The following MID1 variants were observed in gnomAD, a reference collection of about 807,000 sequenced individuals.
MID1 encodes E3 ubiquitin-protein ligase Midline-1.
MID1 carries 7 observed loss-of-function variants against 40.4 expected under a neutral mutation model. That is an observed-to-expected ratio of 0.17 (90% CI 0.10 to 0.33). The LOEUF (loss-of-function observed/expected upper bound fraction) is 0.33. Among genes scored for constraint, MID1 ranks in the 10% least tolerant of loss-of-function variants. The pLI is 1.00. For missense variants in MID1, 367 were observed against 558.5 expected (o/e 0.66, Z 3.46); for synonymous variants, 229 against 221.2 (o/e 1.04, Z -0.31).
chrX:10,478,040 A>G (rs1432563661), intron 5 of MID1, among the ~76,000 whole-genome samples: 1 of 112,278 alleles, frequency 8.9e-6, no homozygotes, highest in Non-Finnish European at 1.9e-5. Context: ...GAACAGAAGG[A>G]TCACCTTGAG....
At chrX:10,817,444 ACTC>A (rs1348698498) in intron 1 of MID1, among the ~76,000 whole-genome samples, 1 of 109,493 alleles carries the variant, frequency 9.1e-6, no homozygotes, top group East Asian at 2.9e-4. Flanking sequence ...AGTTTGGAAA[ACTC>A]CTACAGTCAA....
At chrX:10,455,513 C>T (rs775752284) in intron 8 of MID1, among the ~76,000 whole-genome samples, 19 of 111,380 alleles carry the variant, frequency 1.7e-4, no homozygotes, top group Non-Finnish European at 3.0e-4. Context: ...ACAAGCAGCA[C>T]AGGTACATAC....
rs767958324 is a variant in MID1, at chrX:10,473,074, C to T, written c.1141+1549G>A. 3.5e-5 allele frequency among the ~76,000 whole-genome samples: 4 copies of T among 112,734 alleles called. No homozygotes were observed. The South Asian group carries it at 1.5e-3, about 41-fold the overall frequency. ...CCTGCACTGTTCAATACAATAGCCA[C>T]GAGCTACATGTGGTGGTTTAAATTT... On this transcript the variant is annotated intron_variant, in intron 6 of 9. Transcript: ENST00000317552.
chrX:10,759,512 G>A (rs1271067106), intron 1 of MID1, among the ~76,000 whole-genome samples: 1 of 110,985 alleles, frequency 9.0e-6, no homozygotes, highest in Non-Finnish European at 1.9e-5. Context: ...CCTTTGTGAT[G>A]CCACTTTCAG....
At chrX:10,669,245 A>T (rs2042973201) in intron 1 of MID1, among the ~76,000 whole-genome samples, 3 of 106,786 alleles carry the variant, frequency 2.8e-5, no homozygotes, top group Admixed American at 2.0e-4. Context: ...AAAAAAAAAA[A>T]AAAAAAAAAA....
chrX:10,481,720 A>G (rs1930339885), intron 5 of MID1, among the ~76,000 whole-genome samples: 1 of 112,298 alleles, frequency 8.9e-6, no homozygotes, highest in African/African-American at 3.2e-5. Flanking sequence ...TGCTGGGATT[A>G]CAGGCGTGAG....
intron 1 of MID1, among the ~76,000 whole-genome samples, chrX:10,811,634 T>G (rs770327591): frequency 9.0e-6 from 1 of 111,582 alleles, no homozygotes; most frequent in Admixed American, 9.6e-5. Context: ...AAGAGAGAAA[T>G]GTTCATTGAT....
chrX:10,756,407 AT>A (rs2043633164), intron 1 of MID1, among the ~76,000 whole-genome samples: 1 of 112,602 alleles, frequency 8.9e-6, no homozygotes, highest in Non-Finnish European at 1.9e-5. Flanking sequence ...CGAATGGAGT[AT>A]TTGAATTGAT....
intron 2 of MID1, among the ~76,000 whole-genome samples, chrX:10,533,391 A>AGAAAGAAAGAAAGAAAAG (rs1156280706): frequency 5.4e-5 from 3 of 55,066 alleles, no homozygotes; most frequent in East Asian, 7.7e-4. Context: ...AGAAAGAAAG[A>AGAAAGAAAGAAAGAAAAG]AAAGAAAGAA....
At chrX:10,690,534 A>G (rs927028771) in intron 1 of MID1, among the ~76,000 whole-genome samples, 1 of 111,985 alleles carries the variant, frequency 8.9e-6, no homozygotes, top group Admixed American at 9.5e-5. Flanking sequence ...TATAATTGAA[A>G]TCTTAATGAC....
At chrX:10,784,944 C>G (rs1241775051) in intron 1 of MID1, among the ~76,000 whole-genome samples, 4 of 111,022 alleles carry the variant, frequency 3.6e-5, no homozygotes, top group Non-Finnish European at 7.5e-5. Context: ...CTCACCACTC[C>G]TATTCAACAT....
chrX:10,810,693 T>C (rs753107427), intron 1 of MID1, among the ~76,000 whole-genome samples: 121 of 84,398 alleles, frequency 1.4e-3, no homozygotes, highest in African/African-American at 4.6e-3. Flanking sequence ...CTTGTTGTTT[T>C]CTCTGTGTGT....
intron 1 of MID1, 110 bp from the exon 2 acceptor site, chrX:10,567,713 A>G: frequency 1.9e-6 from 1 of 519,761 alleles, no homozygotes; most frequent in Non-Finnish European, 3.3e-6. Flanking sequence ...TGAAAGGGTA[A>G]GTGTGTGTAC....
At chrX:10,532,180 C>T (rs1311330841) in intron 2 of MID1, among the ~76,000 whole-genome samples, 1 of 111,564 alleles carries the variant, frequency 9.0e-6, no homozygotes, top group Non-Finnish European at 1.9e-5. Context: ...GTACTCTGGG[C>T]TGCCATAGCA....
rs149879532 is a variant in MID1, at chrX:10,527,726, T to C, written c.661-4539A>G. ...GGCAATTACTGGCAATTGGTGGATA[T>C]GCAGCCCAGCTTTTTCACCTCCTGG... On this transcript the variant is annotated intron_variant, in intron 2 of 9. Transcript: ENST00000317552. Among the ~76,000 whole-genome samples the C allele has an allele frequency of 9.0e-3, 1,008 of 111,699 alleles. 7 individuals are homozygous for C. The highest frequency in any genetic ancestry group is 0.027 in the African/African-American group (827 of 30,736).
At chrX:10,521,334 C>T (rs1018046226) in intron 3 of MID1, among the ~76,000 whole-genome samples, 7 of 110,545 alleles carry the variant, frequency 6.3e-5, no homozygotes, top group African/African-American at 2.3e-4. Context: ...ATCACATACA[C>T]GGTATCATAA....
chrX:10,609,345 T>TGTA (rs755261915), intron 1 of MID1, among the ~76,000 whole-genome samples: 1 of 112,037 alleles, frequency 8.9e-6, no homozygotes, highest in South Asian at 3.7e-4. Context: ...AAACCTTAAG[T>TGTA]TTGTACCTAA....
intron 1 of MID1, among the ~76,000 whole-genome samples, chrX:10,708,847 A>G (rs2043247585): frequency 8.9e-6 from 1 of 112,374 alleles, no homozygotes; most frequent in South Asian, 3.7e-4. Flanking sequence ...CCAAATTTAC[A>G]AAGGGATTCC....
At chrX:10,669,251 A>G (rs1177599751) in intron 1 of MID1, among the ~76,000 whole-genome samples, 1 of 106,418 alleles carries the variant, frequency 9.4e-6, no homozygotes, top group African/African-American at 3.4e-5. Context: ...AAAAAAAAAA[A>G]AAAAAGAAAT....
Sources: allele counts gnomAD v4.1 joint callset (sites outside exome capture counted in the v4.1 genomes callset), GRCh38; gene constraint gnomAD v4.1.1; transcripts MANE v1.5; gene names NCBI Gene and HGNC (gene_info 2026-07-23, HGNC 2026-07-21).